The following CNGB3 variants were observed in gnomAD, a reference collection of about 807,000 sequenced individuals.
CNGB3 encodes cyclic nucleotide gated channel subunit beta 3.
CNGB3 carries 86 observed loss-of-function variants against 92.8 expected under a neutral mutation model. The ratio of observed to expected loss-of-function variants is 0.93; its 90% CI spans 0.78 to 1.11. The LOEUF (loss-of-function observed/expected upper bound fraction) is 1.11, where lower values mean the gene tolerates loss of function less well. Among genes scored for constraint, CNGB3 ranks in the 50% least tolerant of loss-of-function variants. The pLI is 0.00. For synonymous variants in CNGB3, 333 were observed against 332.7 expected (o/e 1.00, Z -0.01); for missense variants, 1,026 against 956.8 (o/e 1.07, Z -0.95).
intron 3 of CNGB3, among the ~76,000 whole-genome samples, chr8:86,680,006 G>C (rs865799302): frequency 6.6e-6 from 1 of 152,242 alleles, no homozygotes; most frequent in African/African-American, 2.4e-5. Context: ...TGGACTCCTA[G>C]CCTCCAGAAC....
rs1417950584 is a variant in CNGB3, at chr8:86,588,495, T to G, written c.1782-9243A>C. Among the ~76,000 whole-genome samples the G allele has an allele frequency of 2.3e-4, 34 of 148,454 alleles. No individual in the cohort carries two copies. The South Asian group carries it at 7.3e-3, about 32-fold the overall frequency. ...TGGGTTTGTCATAGATAGCTCTTAT[T>G]ATTTTGAAATATGTCCCATCAATAC... On this transcript the variant is annotated intron_variant, in intron 15 of 17. Coordinates refer to ENST00000320005, the MANE Select transcript of CNGB3 (RefSeq NM_019098.5).
At chr8:86,697,482 G>A (rs1024517177) in intron 3 of CNGB3, among the ~76,000 whole-genome samples, 2 of 152,004 alleles carry the variant, frequency 1.3e-5, no homozygotes, top group African/African-American at 2.4e-5. Context: ...AATTCAGTGG[G>A]CACAATTGTT....
chr8:86,602,686 A>T (rs954549583), intron 15 of CNGB3, among the ~76,000 whole-genome samples: 1 of 152,182 alleles, frequency 6.6e-6, no homozygotes, highest in Non-Finnish European at 1.5e-5. Flanking sequence ...CCAGTATCTC[A>T]GTTCCAGACA....
chr8:86,738,840 CAA>C (rs773191598), intron 2 of CNGB3, among the ~76,000 whole-genome samples: 7 of 121,000 alleles, frequency 5.8e-5, no homozygotes, highest in Admixed American at 8.7e-5. Flanking sequence ...GACTCCGTCT[CAA>C]AAAAAAAAAA....
intron 10 of CNGB3, among the ~76,000 whole-genome samples, chr8:86,640,020 G>T (rs1014558704): frequency 6.6e-6 from 1 of 152,054 alleles, no homozygotes; most frequent in Non-Finnish European, 1.5e-5. Flanking sequence ...AGAAAAATGG[G>T]TAGTTTCTAA....
At chr8:86,675,122 C>G (rs1467154567) in intron 3 of CNGB3, among the ~76,000 whole-genome samples, 1 of 152,064 alleles carries the variant, frequency 6.6e-6, no homozygotes, top group Non-Finnish European at 1.5e-5. Flanking sequence ...CCACACCTGG[C>G]TAATTTTTGT....
intron 10 of CNGB3, among the ~76,000 whole-genome samples, chr8:86,635,819 A>C (rs1823051438): frequency 1.1e-5 from 1 of 94,164 alleles, no homozygotes; most frequent in Non-Finnish European, 2.1e-5. Flanking sequence ...TGTATAACAC[A>C]TGATATATAT....
At chr8:86,736,666 C>T (rs1364021998) in intron 2 of CNGB3, among the ~76,000 whole-genome samples, 2 of 151,856 alleles carry the variant, frequency 1.3e-5, no homozygotes, top group Admixed American at 1.3e-4. Context: ...TTGGTGTATG[C>T]ATTCAAGATT....
At chr8:86,623,550 C>T (rs1013395375) in intron 13 of CNGB3, among the ~76,000 whole-genome samples, 20 of 152,216 alleles carry the variant, frequency 1.3e-4, no homozygotes, top group African/African-American at 4.6e-4. Flanking sequence ...CCCTTGAGAC[C>T]TTTTATAATG....
intron 3 of CNGB3, among the ~76,000 whole-genome samples, chr8:86,680,291 A>G (rs77305201): frequency 6.6e-6 from 1 of 152,362 alleles, no homozygotes; most frequent in African/African-American, 2.4e-5. Context: ...TCTGAAAGTT[A>G]GAAAGCATAT....
chr8:86,740,513 G>T (rs1825322372), intron 1 of CNGB3, among the ~76,000 whole-genome samples: 1 of 152,162 alleles, frequency 6.6e-6, no homozygotes, highest in African/African-American at 2.4e-5. Context: ...GATGATGCAG[G>T]TTTAGCAAAA....
At chr8:86,702,740 T>C (rs1300141663) in intron 3 of CNGB3, among the ~76,000 whole-genome samples, 1 of 152,148 alleles carries the variant, frequency 6.6e-6, no homozygotes, top group East Asian at 1.9e-4. Flanking sequence ...TACTTATAAG[T>C]CACTTTTTTC....
In CNGB3 at chr8:86,579,257, AAG is replaced by A. The variant is rs1309893376; in HGVS notation, c.1782-7_1782-6del. The A allele has an allele frequency of 2.5e-6, 4 of 1,613,698 alleles. No homozygotes were observed. On this transcript the variant is annotated splice_polypyrimidine_tract_variant and splice_region_variant and intron_variant, in intron 15 of 17. Transcript: ENST00000320005. ...CCTCCTCCTGCTGCTAGAAGGCTGT[AAG>A]AGAGAAAAATGAGTCTTTGCCACCA...
chr8:86,658,895 C>T (rs1823573200), intron 6 of CNGB3: 2 of 796,908 alleles, frequency 2.5e-6, no homozygotes, highest in Admixed American at 3.9e-5. Context: ...CCTCCCAGAG[C>T]TCAGCCTTCT....
chr8:86,690,395 T>C (rs2131636869), intron 3 of CNGB3, among the ~76,000 whole-genome samples: 1 of 152,358 alleles, frequency 6.6e-6, no homozygotes, highest in East Asian at 1.9e-4. Context: ...CTTCGCCCAC[T>C]TTTTGATGGG....
chr8:86,702,913 GC>G (rs1458809200), intron 3 of CNGB3, among the ~76,000 whole-genome samples: 3 of 151,546 alleles, frequency 2.0e-5, no homozygotes, highest in African/African-American at 7.3e-5. Flanking sequence ...ATTCATATTT[GC>G]CTTTGTCATT....
At position 86,670,415 on chromosome 8, in the gene CNGB3, C is replaced by T. The variant is rs558093740; in HGVS notation, c.493+529G>A. Among the ~76,000 whole-genome samples, 15 of 152,224 alleles carry T rather than the reference C, an allele frequency of 9.9e-5. No homozygotes were observed. The East Asian group carries it at 1.9e-3, about 20-fold the overall frequency. ...CTTCCCTGCATCTGTCGGAGGATTT[C>T]CTCTAGCAGGTTTACTGAAAGTGCT... is the stretch of plus-strand genomic sequence containing the variant. On this transcript the variant is annotated intron_variant, in intron 4 of 17. Coordinates refer to ENST00000320005, the MANE Select transcript of CNGB3 (RefSeq NM_019098.5).
At position 86,643,636 on chromosome 8, in the gene CNGB3, A is replaced by G. The variant is rs927781269; in HGVS notation, c.1178+115T>C. On this transcript the variant is annotated intron_variant, in intron 10 of 17. Transcript: ENST00000320005. ...CCTTTTTTATGGCCAAATAGCATTT[A>G]CCAGCCATTGAATGGGTTATGACAG... The G allele has an allele frequency of 1.9e-5, 21 of 1,116,912 alleles. 1 individual carries two copies. In the African/African-American group the frequency reaches 3.0e-4, roughly 16 times the overall value. The allele number at this position is 1,116,912 out of a possible 1,614,324, so 69.2% of individuals were successfully genotyped here.
intron 6 of CNGB3, chr8:86,659,654 T>C: frequency 2.1e-6 from 1 of 472,342 alleles, no homozygotes; most frequent in East Asian, 5.4e-5. Flanking sequence ...GCCAGATCCT[T>C]TGACTCTCCT....
Sources: allele counts gnomAD v4.1 joint callset (sites outside exome capture counted in the v4.1 genomes callset), GRCh38; gene constraint gnomAD v4.1.1; transcripts MANE v1.5; gene names NCBI Gene and HGNC (gene_info 2026-07-23, HGNC 2026-07-21).